TNIK: variants seen among roughly 807,000 people sequenced by gnomAD.
The protein encoded by TNIK is TRAF2 and NCK interacting kinase.
Under a neutral mutation model 191.3 loss-of-function variants are expected in TNIK, and 49 were observed. The ratio of observed to expected loss-of-function variants is 0.26; its 90% CI spans 0.20 to 0.32. The LOEUF is 0.32. Ranked by LOEUF, TNIK falls within the 10% of genes least tolerant of loss-of-function variation. TNIK has a pLI of 1.00. For missense variants in TNIK, 1,155 were observed against 1,702.3 expected (o/e 0.68, Z 5.66); for synonymous variants, 594 against 600.9 (o/e 0.99, Z 0.17).
At chr3:171,225,429 T>G in intron 3 of TNIK, 2 of 336,634 alleles carry the variant, frequency 5.9e-6, no homozygotes, top group South Asian at 4.8e-5. Context: ...AAAAACTATC[T>G]AGCCCTCCTC....
At chr3:171,109,779 CAG>C (rs1725561375) in intron 19 of TNIK, among the ~76,000 whole-genome samples, 3 of 152,270 alleles carry the variant, frequency 2.0e-5, no homozygotes, top group Admixed American at 6.5e-5. Context: ...TATTATGTAT[CAG>C]CACCTGGAAA....
chr3:171,455,203 G>T (rs1202942711), intron 1 of TNIK, among the ~76,000 whole-genome samples: 4 of 152,086 alleles, frequency 2.6e-5, no homozygotes, highest in Non-Finnish European at 5.9e-5. Flanking sequence ...GTTAAAAAGA[G>T]TCGGAACCTT....
chr3:171,188,931 CAT>C (rs753422526), intron 6 of TNIK, 99 bp from the exon 7 acceptor site: 44 of 1,423,822 alleles, frequency 3.1e-5, no homozygotes, highest in Non-Finnish European at 3.9e-5. Context: ...ACATAAGTAA[CAT>C]AAAGTGTACA....
At position 171,329,204 on chromosome 3, in the gene TNIK, G is replaced by A. The variant is rs1454693239; in HGVS notation, c.123+40416C>T. On this transcript the variant is annotated intron_variant, in intron 2 of 32. Coordinates refer to ENST00000436636, the MANE Select transcript of TNIK (RefSeq NM_015028.4). Reference sequence around the variant, plus strand: ...TGTGTATTTGCTGTTTCCTATACTCGTTCATAATGCCTGGTCCCTACTAAG... The same window carrying A: ...TGTGTATTTGCTGTTTCCTATACTCATTCATAATGCCTGGTCCCTACTAAG... Among the ~76,000 whole-genome samples, 3 of 151,754 alleles carry A rather than the reference G, an allele frequency of 2.0e-5. 1 individual carries two copies. Among genetic ancestry groups the A allele is most frequent in the African/African-American group, 7.3e-5 (3 of 41,296 alleles).
intron 17 of TNIK, 142 bp from the exon 18 acceptor site, chr3:171,123,844 G>A (rs565271050): frequency 1.5e-5 from 8 of 537,438 alleles, no homozygotes; most frequent in African/African-American, 9.7e-5. Flanking sequence ...TTCATTCCTC[G>A]AAGAAATATT....
intron 1 of TNIK, among the ~76,000 whole-genome samples, chr3:171,410,669 C>T (rs1365872141): frequency 6.6e-6 from 1 of 150,866 alleles, no homozygotes; most frequent in Non-Finnish European, 1.5e-5. Flanking sequence ...GTCCCAGCTA[C>T]TCGGGAGGCT....
At chr3:171,158,970 G>A (rs73882624) in intron 11 of TNIK, among the ~76,000 whole-genome samples, 7,362 of 152,230 alleles carry the variant, frequency 0.048, 436 homozygotes, top group African/African-American at 0.14. Flanking sequence ...CGGCTTCCCA[G>A]AGCAGAGTGA....
rs534692638 is a variant in TNIK at position 171,107,638 on chromosome 3, G to A, written c.2382+427C>T. Among the ~76,000 whole-genome samples the A allele has an allele frequency of 5.9e-5, 9 of 152,238 alleles. No homozygotes were observed. In the South Asian group the frequency reaches 6.2e-4, roughly 11 times the overall value. ...TAAAAAGTTTGGTCCAGAAAATATA[G>A]TCCTGGAGGCATGAAAAATAGCAGA... On this transcript the variant is annotated intron_variant, in intron 20 of 32. Transcript: ENST00000436636.
chr3:171,206,443 G>A (rs73879509), intron 4 of TNIK, among the ~76,000 whole-genome samples: 6,431 of 151,588 alleles, frequency 0.042, 455 homozygotes, highest in African/African-American at 0.15. Flanking sequence ...ATCTCCATGA[G>A]AAGAGCAATT....
At chr3:171,356,824 G>C (rs1242772195) in intron 2 of TNIK, among the ~76,000 whole-genome samples, 1 of 152,042 alleles carries the variant, frequency 6.6e-6, no homozygotes, top group Non-Finnish European at 1.5e-5. Context: ...TAACTTATGG[G>C]GTTACTGTGA....
rs116777810 is a variant in TNIK, at chr3:171,394,430, A to G, written c.58-24745T>C. Among the ~76,000 whole-genome samples the G allele has an allele frequency of 5.3e-3, 804 of 152,286 alleles. 11 individuals are homozygous for G. The highest frequency in any genetic ancestry group is 8.2e-3 in the Non-Finnish European group (559 of 68,014). On this transcript the variant is annotated intron_variant, in intron 1 of 32. Coordinates refer to ENST00000436636, the MANE Select transcript of TNIK (RefSeq NM_015028.4). Reference sequence around the variant, plus strand: ...ATCTTTTGAGGTCCCACAGCCTCCTATGCTTTATTATATTATTACCACACT... The same window carrying G: ...ATCTTTTGAGGTCCCACAGCCTCCTGTGCTTTATTATATTATTACCACACT...
intron 4 of TNIK, among the ~76,000 whole-genome samples, chr3:171,209,019 C>A (rs1740455146): frequency 6.7e-6 from 1 of 149,752 alleles, no homozygotes; most frequent in African/African-American, 2.5e-5. Context: ...CATATTCCTG[C>A]CTGTGAAAAT....
Position 171,087,436 on chromosome 3 carries a change from T to G in TNIK, c.2792A>C (p.Asp931Ala). 6.2e-7 allele frequency: 1 copy of G among 1,613,864 alleles called. No homozygotes were observed. The highest frequency in any genetic ancestry group is 8.5e-7 in the Non-Finnish European group (1 of 1,179,862). The part of the protein sequence containing the change: ...NGFAGHINLP[D>A]LVQQSHSPAG... ...TGGAGAATGGCTCTGCTGCACCAGG[T>G]CAGGGAGGTTGATGTGGCCAGCAAA... is the stretch of plus-strand genomic sequence containing the variant. Residue 931 changes from aspartate (D) to alanine (A), a missense_variant, in exon 24 of 33, where the codon GAC (aspartate) becomes GCC (alanine). Asp to Ala is a moderately radical substitution (Grantham distance 126). This residue lies in a region of TNIK where 735 missense variants were observed against 848.0 expected (regional missense o/e 0.87). Coordinates refer to ENST00000436636, the MANE Select transcript of TNIK (RefSeq NM_015028.4).
rs1356021260 is a variant in TNIK at position 171,460,000 on chromosome 3, T to G, written c.57+7A>C. Reference sequence around the variant, plus strand: ...ACTGGAAAGAAACCAGAAAACGTCCTGCTCACCCTCAGAGCCGAGAGATCT... The same window carrying G: ...ACTGGAAAGAAACCAGAAAACGTCCGGCTCACCCTCAGAGCCGAGAGATCT... On this transcript the variant is annotated splice_region_variant and intron_variant, in intron 1 of 32. Transcript: ENST00000436636. 6.3e-7 allele frequency: 1 copy of G among 1,580,368 alleles called. No homozygotes were observed. The highest frequency in any genetic ancestry group is 8.6e-7 in the Non-Finnish European group (1 of 1,159,370).
At chr3:171,426,755 C>T (rs1207966876) in intron 1 of TNIK, among the ~76,000 whole-genome samples, 1 of 152,080 alleles carries the variant, frequency 6.6e-6, no homozygotes, top group East Asian at 1.9e-4. Flanking sequence ...GTCAACCCGT[C>T]TTTACTTTCC....
At chr3:171,440,025 C>T (rs1726571333) in intron 1 of TNIK, among the ~76,000 whole-genome samples, 1 of 152,196 alleles carries the variant, frequency 6.6e-6, no homozygotes, top group Non-Finnish European at 1.5e-5. Context: ...TTTTCCTGTA[C>T]ATAATATGAC....
intron 12 of TNIK, among the ~76,000 whole-genome samples, chr3:171,152,410 T>C (rs1461902216): frequency 6.6e-6 from 1 of 152,126 alleles, no homozygotes; most frequent in Non-Finnish European, 1.5e-5. Context: ...TGGGTCTCAT[T>C]AGAAATATTT....
chr3:171,287,963 A>G (rs2108223040), intron 2 of TNIK, among the ~76,000 whole-genome samples: 1 of 151,048 alleles, frequency 6.6e-6, no homozygotes, highest in South Asian at 2.1e-4. Context: ...TGTGGCACAT[A>G]TACGCCATGG....
rs534425906 is a variant in TNIK, at chr3:171,076,596, T to C, written c.3448+2922A>G. 5.3e-5 allele frequency among the ~76,000 whole-genome samples: 8 copies of C among 152,328 alleles called. 1 individual carries two copies. In the South Asian group the frequency reaches 1.7e-3, roughly 32 times the overall value. On this transcript the variant is annotated intron_variant, in intron 28 of 32. Coordinates refer to ENST00000436636, the MANE Select transcript of TNIK (RefSeq NM_015028.4). ...TAAATAATTAATGTATTTTATCTAG[T>C]ACACATTTTAAAAGCCTCCACACAT...
Sources: allele counts gnomAD v4.1 joint callset (sites outside exome capture counted in the v4.1 genomes callset), GRCh38; gene constraint gnomAD v4.1.1; regional missense constraint gnomAD v4.1.1; transcripts MANE v1.5; gene names NCBI Gene and HGNC (gene_info 2026-07-23, HGNC 2026-07-21).